Variants in AHI1 observed in about 807,000 individuals in gnomAD.
The protein encoded by AHI1 is Abelson helper integration site 1.
AHI1 carries 123 observed loss-of-function variants against 149.3 expected under a neutral mutation model. That is an observed-to-expected ratio of 0.82 (90% CI 0.71 to 0.96). AHI1 has a LOEUF of 0.96. AHI1 is among the 40% of genes least tolerant of loss of function. The pLI is 0.00. For synonymous variants in AHI1, 475 were observed against 459.8 expected (o/e 1.03, Z -0.42); for missense variants, 1,439 against 1,422.7 (o/e 1.01, Z -0.18).
At chr6:135,326,209 T>C (rs911429157) in intron 24 of AHI1, among the ~76,000 whole-genome samples, 1 of 152,194 alleles carries the variant, frequency 6.6e-6, no homozygotes, top group African/African-American at 2.4e-5. Context: ...GTGAATGTAT[T>C]TGAAGACATG....
At chr6:135,431,078 T>A (rs1784585724) in intron 17 of AHI1, 130 bp downstream of exon 17, 1 of 598,140 alleles carries the variant, frequency 1.7e-6, no homozygotes, top group Non-Finnish European at 2.9e-6. Flanking sequence ...TAATTATTGA[T>A]AACTAAGAAA....
chr6:135,349,936 C>G (rs914025749), intron 24 of AHI1, among the ~76,000 whole-genome samples: 1 of 152,194 alleles, frequency 6.6e-6, no homozygotes, highest in Admixed American at 6.5e-5. Flanking sequence ...CTTTCTCCTG[C>G]CTCATTCATA....
intron 23 of AHI1, among the ~76,000 whole-genome samples, chr6:135,364,839 G>A (rs148837002): frequency 0.026 from 4,008 of 152,318 alleles, 156 homozygotes; most frequent in African/African-American, 0.09. Flanking sequence ...CGAGATGGCA[G>A]CAGTACCGTC....
intron 28 of AHI1, among the ~76,000 whole-genome samples, chr6:135,287,106 A>C (rs75156711): frequency 0.048 from 7,347 of 152,236 alleles, 216 homozygotes; most frequent in South Asian, 0.095. Context: ...TGGGAGGACA[A>C]AAAAGAAGAA....
At position 135,324,551 on chromosome 6, in the gene AHI1, C is replaced by CATATATATATATAT. The variant is rs3071751; in HGVS notation, c.3166-1241_3166-1228dup. ...AAAATTACATATATAGTTATATATA[C>CATATATATATATAT]ATATATATATATATATATATATTTA... On this transcript the variant is annotated intron_variant, in intron 24 of 28. Transcript: ENST00000265602. Among the ~76,000 whole-genome samples the CATATATATATATAT allele has an allele frequency of 2.0e-4, 29 of 144,806 alleles. 1 individual carries two copies. Among genetic ancestry groups the CATATATATATATAT allele is most frequent in the African/African-American group, 5.1e-4 (20 of 39,594 alleles). 95.0% of individuals were successfully genotyped at this position (144,806 alleles called of 152,430 possible). A position where few individuals can be genotyped will look rare whatever the true frequency, so the allele number is the denominator to read the frequency against.
chr6:135,422,617 TTTTA>T (rs1299878878), intron 20 of AHI1, among the ~76,000 whole-genome samples: 1 of 98,330 alleles, frequency 1.0e-5, no homozygotes, highest in Non-Finnish European at 2.1e-5. Context: ...AAAGTTTTAT[TTTTA>T]TGTATGTATG....
intron 20 of AHI1, among the ~76,000 whole-genome samples, chr6:135,414,036 CA>C (rs1781988842): frequency 6.6e-6 from 1 of 151,914 alleles, no homozygotes; most frequent in Middle Eastern, 3.2e-3. Flanking sequence ...CTAGAACAGC[CA>C]AAACAACTTT....
intron 26 of AHI1, chr6:135,301,333 T>C: frequency 1.0e-6 from 1 of 962,950 alleles, no homozygotes; most frequent in East Asian, 1.1e-4. Flanking sequence ...GAAACAGATA[T>C]ACCATATGTT....
At chr6:135,441,399 C>A (rs1317372891) in intron 14 of AHI1, among the ~76,000 whole-genome samples, 1 of 150,120 alleles carries the variant, frequency 6.7e-6, no homozygotes, top group African/African-American at 2.4e-5. Flanking sequence ...AGAAAAGGGC[C>A]AAACAGAACA....
chr6:135,452,416 CAG>C (rs1788264725), intron 11 of AHI1, among the ~76,000 whole-genome samples: 1 of 152,212 alleles, frequency 6.6e-6, no homozygotes, highest in South Asian at 2.1e-4. Context: ...ACATCCTAGT[CAG>C]AGACACCTAG....
rs370539610 is a variant in AHI1, at chr6:135,309,009, G to A, written c.3427-8451C>T. Among the ~76,000 whole-genome samples the A allele has an allele frequency of 7.2e-5, 11 of 152,200 alleles. No homozygotes were observed. In the East Asian group the frequency reaches 9.6e-4, roughly 13 times the overall value. On this transcript the variant is annotated intron_variant, in intron 26 of 28. Transcript: ENST00000265602. ...AAGTGGCAAGAAACAGGGCTGTTGTGGGAGAAGAGACACAGTAGGGGCTGA... is the reference window on the plus strand; with the variant it reads ...AAGTGGCAAGAAACAGGGCTGTTGTAGGAGAAGAGACACAGTAGGGGCTGA...
At chr6:135,334,241 T>C (rs1156531222) in intron 24 of AHI1, among the ~76,000 whole-genome samples, 1 of 152,230 alleles carries the variant, frequency 6.6e-6, no homozygotes, top group Non-Finnish European at 1.5e-5. Context: ...TGAAACTTAA[T>C]CATCGATGTG....
intron 23 of AHI1, among the ~76,000 whole-genome samples, chr6:135,367,800 G>C (rs1192812423): frequency 6.6e-6 from 1 of 151,830 alleles, no homozygotes; most frequent in Non-Finnish European, 1.5e-5. Flanking sequence ...ACCTTTCTCT[G>C]GTGCCTCCTT....
At chr6:135,483,424 T>C (rs541152259) in intron 5 of AHI1, among the ~76,000 whole-genome samples, 1 of 152,242 alleles carries the variant, frequency 6.6e-6, no homozygotes, top group African/African-American at 2.4e-5. Flanking sequence ...AGAATGTAAT[T>C]CATAAGATGA....
intron 20 of AHI1, among the ~76,000 whole-genome samples, chr6:135,422,302 A>C (rs1783289748): frequency 6.6e-6 from 1 of 152,158 alleles, no homozygotes; most frequent in Admixed American, 6.5e-5. Flanking sequence ...AGATCACTTG[A>C]GACCAGGCCT....
chr6:135,451,051 C>G (rs1056506668), intron 11 of AHI1, among the ~76,000 whole-genome samples: 16 of 151,804 alleles, frequency 1.1e-4, no homozygotes, highest in African/African-American at 3.9e-4. Context: ...GGCTGGAGTG[C>G]AGTGGTACAA....
intron 5 of AHI1, chr6:135,474,559 GTAAC>G (rs755685544): frequency 1.6e-4 from 25 of 151,750 alleles, no homozygotes; most frequent in Non-Finnish European, 2.8e-4. Context: ...AGTTCAATCT[GTAAC>G]TGACTGTGAA....
intron 5 of AHI1, among the ~76,000 whole-genome samples, chr6:135,469,304 C>T (rs1448475548): frequency 6.6e-6 from 1 of 152,104 alleles, no homozygotes; most frequent in Non-Finnish European, 1.5e-5. Flanking sequence ...TGATAAAATT[C>T]AACATTGCTT....
chr6:135,470,134 G>A (rs1029824900), intron 5 of AHI1, among the ~76,000 whole-genome samples: 1 of 151,780 alleles, frequency 6.6e-6, no homozygotes, highest in Non-Finnish European at 1.5e-5. Context: ...AAAACTAAAC[G>A]ACCCCACAAA....
Sources: allele counts gnomAD v4.1 joint callset (sites outside exome capture counted in the v4.1 genomes callset), GRCh38; gene constraint gnomAD v4.1.1; transcripts MANE v1.5; gene names NCBI Gene and HGNC (gene_info 2026-07-23, HGNC 2026-07-21).